The following TAB3 variants were observed in gnomAD, a reference collection of about 807,000 sequenced individuals.
The protein encoded by TAB3 is TGF-beta activated kinase 1 (MAP3K7) binding protein 3, also known as TGF-beta-activated kinase 1 and MAP3K7-binding protein 3.
A neutral mutation model predicts 48.1 loss-of-function variants in TAB3; 18 were observed. The observed-to-expected ratio is 0.37, with a 90% CI of 0.26 to 0.55. The LOEUF is 0.55. TAB3 is among the 20% of genes least tolerant of loss of function. The pLI is 0.78. For missense variants in TAB3, 414 were observed against 549.8 expected (o/e 0.75, Z 2.47); for synonymous variants, 185 against 190.2 (o/e 0.97, Z 0.22).
At chrX:30,863,563 T>A (rs1939316364) in intron 4 of TAB3, among the ~76,000 whole-genome samples, 1 of 111,584 alleles carries the variant, frequency 9.0e-6, no homozygotes, top group Non-Finnish European at 1.9e-5. Context: ...AAGATCTGAT[T>A]GTTTAAAACT....
chrX:30,839,833 C>G (rs1938356526), intron 9 of TAB3, among the ~76,000 whole-genome samples: 1 of 105,699 alleles, frequency 9.5e-6, no homozygotes. Flanking sequence ...ATTTACCCAC[C>G]AGTGAATCTA....
At position 30,868,584 on chromosome X, in the gene TAB3, TATAGAG is replaced by T. The variant is rs1230881123; in HGVS notation, c.-279-1041_-279-1036del. Among the ~76,000 whole-genome samples, 3 of 10,691 alleles carry T rather than the reference TATAGAG, an allele frequency of 2.8e-4. 1 individual carries two copies. The highest frequency in any genetic ancestry group is 3.8e-3 in the South Asian group (1 of 263). 9.3% of individuals were successfully genotyped at this position (10,691 alleles called of 115,157 possible). On this transcript the variant is annotated intron_variant, in intron 2 of 10. Coordinates refer to ENST00000288422, the MANE Select transcript of TAB3 (RefSeq NM_152787.5). ...TATATAGCTTATATATATATATATA[TATAGAG>T]AGAGAGAGAGAGAGAGAGAGAGAGA...
intron 1 of TAB3, among the ~76,000 whole-genome samples, chrX:30,881,093 C>T (rs1434182177): frequency 9.0e-6 from 1 of 111,399 alleles, no homozygotes; most frequent in Non-Finnish European, 1.9e-5. Flanking sequence ...GATATAAATA[C>T]ATCTCAAATT....
At chrX:30,831,874 A>G (rs1320892168) in intron 10 of TAB3, among the ~76,000 whole-genome samples, 1 of 111,946 alleles carries the variant, frequency 8.9e-6, no homozygotes, top group Non-Finnish European at 1.9e-5. Context: ...ATTCCAGCCA[A>G]ATGAAGAAAA....
chrX:30,852,778 C>T lies in TAB3; in HGVS notation c.1710G>A (p.Thr570=). 6 of 1,209,120 alleles carry T rather than the reference C, an allele frequency of 5.0e-6. No homozygotes were observed. Among genetic ancestry groups the T allele is most frequent in the South Asian group, 1.8e-5 (1 of 56,554 alleles). Reference sequence around the variant, plus strand: ...TAACACATCCTAACAGATCACTTACCGTAGGGATCGCAGTGGTGCAGCTGA... The same window carrying T: ...TAACACATCCTAACAGATCACTTACTGTAGGGATCGCAGTGGTGCAGCTGA... ...RRVSCTTAIP[T]PEEMTRLRSM... is the part of the protein sequence containing the mutation. The change falls in exon 7 of 11, where the codon ACG becomes ACA. Residue 570 remains threonine, a splice_region_variant and synonymous_variant. Coordinates refer to ENST00000288422, the MANE Select transcript of TAB3 (RefSeq NM_152787.5).
At chrX:30,872,716 T>C (rs1314545871) in intron 1 of TAB3, among the ~76,000 whole-genome samples, 1 of 112,312 alleles carries the variant, frequency 8.9e-6, no homozygotes, top group Admixed American at 9.4e-5. Context: ...AACTAATTCA[T>C]GCACCAGTAA....
chrX:30,840,235 G>A (rs374056782), intron 9 of TAB3, among the ~76,000 whole-genome samples: 43 of 110,472 alleles, frequency 3.9e-4, no homozygotes, highest in East Asian at 3.1e-3. Context: ...AACTTTTTCT[G>A]TTTTCTATCT....
Position 30,855,321 on chromosome X carries a change from T to C in TAB3, c.344A>G (p.Lys115Arg). The C allele has an allele frequency of 8.3e-7, 1 of 1,211,766 alleles. No homozygotes were observed. ...TTCTTGAACTAAACATATCAGCTGT[T>C]TACCTGCTGCATGCTGAGGATCAAT... ...GHIDPQHAAG[K>R]QLICLVQEPH... The change falls in exon 6 of 11, where the codon AAA (lysine) becomes AGA (arginine). Residue 115 changes from lysine (K) to arginine (R), a missense_variant. Coordinates refer to ENST00000288422, the MANE Select transcript of TAB3 (RefSeq NM_152787.5).
intron 1 of TAB3, among the ~76,000 whole-genome samples, chrX:30,888,285 T>C (rs192805447): frequency 2.5e-4 from 28 of 112,874 alleles, no homozygotes; most frequent in African/African-American, 7.4e-4. Context: ...GACTGCCTGA[T>C]TGACAAACGT....
At chrX:30,855,856 A>G (rs1412244031) in intron 5 of TAB3, among the ~76,000 whole-genome samples, 1 of 112,111 alleles carries the variant, frequency 8.9e-6, no homozygotes, top group Non-Finnish European at 1.9e-5. Context: ...TTCTGACTCC[A>G]AATCCAGGAC....
At chrX:30,865,605 G>A (rs191911801) in intron 4 of TAB3, among the ~76,000 whole-genome samples, 440 of 111,636 alleles carry the variant, frequency 3.9e-3, no homozygotes, top group Middle Eastern at 0.014. Flanking sequence ...TATCATCCAC[G>A]TTTTACAAAT....
chrX:30,875,938 G>A (rs1010306750), intron 1 of TAB3, among the ~76,000 whole-genome samples: 4 of 111,906 alleles, frequency 3.6e-5, no homozygotes, highest in East Asian at 5.6e-4. Context: ...CATAAAGAGC[G>A]AACAAAGCAC....
Position 30,839,953 on chromosome X carries a change from TA to T in TAB3, c.1888+3012del, listed in dbSNP as rs1461405292. Among the ~76,000 whole-genome samples, 31 of 100,041 alleles carry T rather than the reference TA, an allele frequency of 3.1e-4. 1 individual carries two copies. Among genetic ancestry groups the T allele is most frequent in the African/African-American group, 6.9e-4 (19 of 27,704 alleles). The allele number at this position is 100,041 out of a possible 115,157, so 86.9% of individuals were successfully genotyped here. On this transcript the variant is annotated intron_variant, in intron 9 of 10. Transcript: ENST00000288422. ...ATATATATATATATATAATATATAT[TA>T]AAAAAACACACACTTACTAATATTT...
rs1340592900 is a variant in TAB3 at position 30,867,174 on chromosome X, A to AGGAGACATAAC, written c.-161_-151dup. 8.9e-6 allele frequency: 1 copy of AGGAGACATAAC among 111,954 alleles called. No homozygotes were observed. Among genetic ancestry groups the AGGAGACATAAC allele is most frequent in the Non-Finnish European group, 1.9e-5 (1 of 53,189 alleles). The allele number at this position is 111,954 out of a possible 1,213,427, so 9.2% of individuals were successfully genotyped here. A position where few individuals can be genotyped will look rare whatever the true frequency, so the allele number is the denominator to read the frequency against. Reference sequence around the variant, plus strand: ...AACTGTCACAGCCAAGAGGAGTCTAAGGAGACATAACAACCAACTGTGATG... The same window carrying AGGAGACATAAC: ...AACTGTCACAGCCAAGAGGAGTCTAAGGAGACATAACGGAGACATAACAACCAACTGTGATG... On this transcript the variant is annotated 5_prime_UTR_variant, in exon 4 of 11. In the 5' UTR this introduces an upstream ATG that the reference lacks. Coordinates refer to ENST00000288422, the MANE Select transcript of TAB3 (RefSeq NM_152787.5).
intron 2 of TAB3, among the ~76,000 whole-genome samples, chrX:30,868,517 TTATA>T (rs1202227511): frequency 0.056 from 156 of 2,803 alleles, 28 homozygotes; most frequent in African/African-American, 0.27. Flanking sequence ...TATATATAGC[TTATA>T]TATATATATA....
chrX:30,866,382 G>C (rs781365284), intron 4 of TAB3, among the ~76,000 whole-genome samples: 60 of 110,958 alleles, frequency 5.4e-4, no homozygotes, highest in Non-Finnish European at 1.0e-3. Flanking sequence ...CCCAGTTCTT[G>C]ATTTCTAATT....
At chrX:30,887,588 C>T (rs907443832) in intron 1 of TAB3, among the ~76,000 whole-genome samples, 3 of 112,699 alleles carry the variant, frequency 2.7e-5, no homozygotes, top group African/African-American at 6.5e-5. Context: ...GCTATATAAT[C>T]TCCTCAGCGA....
chrX:30,886,721 T>C (rs1345203931), intron 1 of TAB3, among the ~76,000 whole-genome samples: 2 of 112,845 alleles, frequency 1.8e-5, no homozygotes, highest in Non-Finnish European at 3.7e-5. Context: ...TGGTGGAGGA[T>C]GACTACCAGA....
chrX:30,854,952 C>T lies in TAB3; in HGVS notation c.713G>A (p.Ser238Asn), dbSNP rs771185110. 133 of 1,206,866 alleles carry T rather than the reference C, an allele frequency of 1.1e-4. No homozygotes were observed. Among genetic ancestry groups the T allele is most frequent in the Non-Finnish European group, 4.5e-6 (4 of 893,510 alleles). Residue 238 changes from serine to asparagine, a missense_variant, in exon 6 of 11, where the codon AGT (serine) becomes AAT (asparagine). By Grantham distance (46) the Ser-to-Asn change is conservative. Transcript: ENST00000288422. ...GSIYIRQTSQ[S>N]SSGRQTPQST... Reference sequence around the variant, plus strand: ...CTGAGGAGTTTGTCTTCCTGATGAACTCTGAGATGTCTGTCTAATATAAAT... The same window carrying T: ...CTGAGGAGTTTGTCTTCCTGATGAATTCTGAGATGTCTGTCTAATATAAAT...
Sources: gnomAD v4.1 joint callset for allele counts (sites outside exome capture counted in the v4.1 genomes callset) on GRCh38, gnomAD v4.1.1 for gene constraint, MANE v1.5 for transcripts, NCBI Gene and HGNC (gene_info 2026-07-23, HGNC 2026-07-21) for gene names.